The following NEMP2 variants were observed in gnomAD, a reference collection of about 807,000 sequenced individuals.
NEMP2 encodes the protein nuclear envelope integral membrane protein 2.
In NEMP2, 53 loss-of-function variants were observed where a neutral mutation model predicts 54.2. The ratio of observed to expected loss-of-function variants is 0.98; its 90% CI spans 0.78 to 1.23. The LOEUF (loss-of-function observed/expected upper bound fraction) is 1.23. Among genes scored for constraint, NEMP2 ranks in the 50% most tolerant of loss-of-function variants. The pLI, the probability that NEMP2 is intolerant of heterozygous loss-of-function variation, is 0.00. For synonymous variants in NEMP2, 197 were observed against 190.3 expected (o/e 1.04, Z -0.29); for missense variants, 455 against 511.3 (o/e 0.89, Z 1.06).
the NEMP2 span, among the ~76,000 whole-genome samples, chr2:190,573,839 G>C: frequency 6.6e-6 from 1 of 152,168 alleles, no homozygotes; most frequent in Non-Finnish European, 1.5e-5. Context: ...TTTGCCATTA[G>C]TTTCAGAGTT....
At position 190,523,007 on chromosome 2, in the gene NEMP2, G is replaced by C. The variant is rs1305824935; in HGVS notation, c.213+2256C>G. On this transcript the variant is annotated intron_variant, in intron 2 of 8. Transcript: ENST00000409150. This position sits in a 1 kb window ranked among gnomAD's most constrained non-coding sequence, Gnocchi z 5.3. Reference sequence around the variant, plus strand: ...TTGGGCACATGTTCTCAGAATCTGAGGGATGTGTCACAGGCCATTGGTCAC... The same window carrying C: ...TTGGGCACATGTTCTCAGAATCTGACGGATGTGTCACAGGCCATTGGTCAC... Among the ~76,000 whole-genome samples, 1 of 152,144 alleles carries C rather than the reference G, an allele frequency of 6.6e-6. No individual in the cohort carries two copies. Among genetic ancestry groups the C allele is most frequent in the African/African-American group, 2.4e-5 (1 of 41,424 alleles).
chr2:190,645,788 T>G, the NEMP2 span, among the ~76,000 whole-genome samples: 1 of 152,274 alleles, frequency 6.6e-6, no homozygotes, highest in East Asian at 1.9e-4. Context: ...TTCGACGAAG[T>G]ATTACAAAAA....
At chr2:190,648,746 C>G in the NEMP2 span, 1 of 151,156 alleles carries the variant, frequency 6.6e-6, no homozygotes, top group African/African-American at 2.4e-5. Flanking sequence ...CGGGAGCCGC[C>G]CACTCCCGGC....
chr2:190,539,730 G>T, the NEMP2 span, among the ~76,000 whole-genome samples: 1 of 151,996 alleles, frequency 6.6e-6, no homozygotes, highest in South Asian at 2.1e-4. This position sits in a 1 kb window ranked among gnomAD's most constrained non-coding sequence, Gnocchi z 4.1. Context: ...TTTGCTTTTA[G>T]CATATATAAA....
At chr2:190,453,584 G>A in the NEMP2 span, among the ~76,000 whole-genome samples, 1 of 152,212 alleles carries the variant, frequency 6.6e-6, no homozygotes, top group Non-Finnish European at 1.5e-5. Flanking sequence ...GTTGGGAAGA[G>A]ACAAATTCAG....
At chr2:190,573,425 T>C in the NEMP2 span, among the ~76,000 whole-genome samples, 1 of 152,176 alleles carries the variant, frequency 6.6e-6, no homozygotes, top group Non-Finnish European at 1.5e-5. Flanking sequence ...TCCAGGTATA[T>C]GTTTTAAAAG....
chr2:190,572,836 TATATATATATATATATATA>T, the NEMP2 span, among the ~76,000 whole-genome samples: 91 of 93,918 alleles, frequency 9.7e-4, 2 homozygotes, highest in East Asian at 5.9e-3. Flanking sequence ...TTCATGAGTA[TATATATATATATATATATA>T]TATATATATA....
chr2:190,437,704 T>G, the NEMP2 span: 2 of 1,037,870 alleles, frequency 1.9e-6, no homozygotes, highest in East Asian at 5.2e-5. This position sits in a 1 kb window ranked among gnomAD's most constrained non-coding sequence, Gnocchi z 5.9. Context: ...TCTGTTTCTT[T>G]TCCTCCTTAA....
At chr2:190,434,804 A>G in the NEMP2 span, among the ~76,000 whole-genome samples, 1 of 152,218 alleles carries the variant, frequency 6.6e-6, no homozygotes, top group Non-Finnish European at 1.5e-5. This position sits in a 1 kb window ranked among gnomAD's most constrained non-coding sequence, Gnocchi z 4.3. Context: ...AGTGTGTCTT[A>G]GAGCAGGGTT....
chr2:190,536,758 A>G (rs543042143), upstream of NEMP2, among the ~76,000 whole-genome samples: 1 of 152,298 alleles, frequency 6.6e-6, no homozygotes, highest in East Asian at 1.9e-4. Flanking sequence ...CCACACTAAA[A>G]CAATGCAATA....
the NEMP2 span, among the ~76,000 whole-genome samples, chr2:190,481,811 T>C: frequency 1.3e-5 from 2 of 152,338 alleles, no homozygotes; most frequent in East Asian, 3.9e-4. Context: ...CTTTCTTTCG[T>C]GCAGCACACA....
At chr2:190,471,994 C>G in the NEMP2 span, among the ~76,000 whole-genome samples, 1 of 152,170 alleles carries the variant, frequency 6.6e-6, no homozygotes, top group Non-Finnish European at 1.5e-5. The surrounding 1 kb of genome is among the most constrained non-coding windows in gnomAD (Gnocchi z 4.7). Flanking sequence ...TGGAGTGGAC[C>G]TCCAGCAAAC....
chr2:190,498,977 G>A, the NEMP2 span, among the ~76,000 whole-genome samples: 11 of 151,596 alleles, frequency 7.3e-5, no homozygotes, highest in African/African-American at 9.7e-5. This position sits in a 1 kb window ranked among gnomAD's most constrained non-coding sequence, Gnocchi z 5.9. Context: ...GTGAAACCCC[G>A]TCTCTACTAA....
At chr2:190,462,752 C>G in the NEMP2 span, among the ~76,000 whole-genome samples, 1 of 152,164 alleles carries the variant, frequency 6.6e-6, no homozygotes, top group Non-Finnish European at 1.5e-5. This position sits in a 1 kb window ranked among gnomAD's most constrained non-coding sequence, Gnocchi z 5.7. Flanking sequence ...GGTACCAGTG[C>G]CCCAAGTCAT....
At chr2:190,541,574 C>G in the NEMP2 span, among the ~76,000 whole-genome samples, 1 of 152,070 alleles carries the variant, frequency 6.6e-6, no homozygotes, top group Non-Finnish European at 1.5e-5. This position sits in a 1 kb window ranked among gnomAD's most constrained non-coding sequence, Gnocchi z 5.2. Context: ...TATTGTTTTT[C>G]ATAGATATGT....
At chr2:190,622,003 A>C in the NEMP2 span, among the ~76,000 whole-genome samples, 2 of 152,172 alleles carry the variant, frequency 1.3e-5, no homozygotes, top group African/African-American at 4.8e-5. Context: ...GTTACTTGGG[A>C]GGCTGAGGCA....
the NEMP2 span, among the ~76,000 whole-genome samples, chr2:190,549,184 A>G: frequency 6.6e-6 from 1 of 152,220 alleles, no homozygotes; most frequent in Non-Finnish European, 1.5e-5. Context: ...AAAACTGGCA[A>G]CTGGATTCAA....
chr2:190,629,788 C>T, the NEMP2 span: 1 of 152,248 alleles, frequency 6.6e-6, no homozygotes, highest in Non-Finnish European at 1.5e-5. Context: ...AGCAAATTCT[C>T]CACTTGATGC....
the NEMP2 span, among the ~76,000 whole-genome samples, chr2:190,480,441 CTTA>C: frequency 6.6e-6 from 1 of 152,136 alleles, no homozygotes; most frequent in East Asian, 1.9e-4. Flanking sequence ...ATCTCAAAAA[CTTA>C]TTAAGTATCT....
Sources: gnomAD v4.1 joint callset for allele counts (sites outside exome capture counted in the v4.1 genomes callset) on GRCh38, gnomAD v4.1.1 for gene constraint, Gnocchi (gnomAD v3.1) non-coding constraint, MANE v1.5 for transcripts, NCBI Gene and HGNC (gene_info 2026-07-23, HGNC 2026-07-21) for gene names.